ABCA7: variants seen among roughly 807,000 people sequenced by gnomAD.
The protein encoded by ABCA7 is ATP binding cassette subfamily A member 7, also known as phospholipid-transporting ATPase ABCA7.
A neutral mutation model predicts 227.6 loss-of-function variants in ABCA7; 261 were observed. The observed-to-expected ratio is 1.15, with a 90% CI of 1.04 to 1.27. ABCA7 has a LOEUF of 1.27. ABCA7 is among the 50% of genes most tolerant of loss of function. The pLI is 0.00. For synonymous variants in ABCA7, 1,488 were observed against 1,279.7 expected, an observed-to-expected ratio of 1.16 and a Z score of -3.47; for missense variants, 3,331 against 2,924.5, an observed-to-expected ratio of 1.14 and a Z score of -3.21.
rs759729807 is a variant in ABCA7 at position 1,059,103 on chromosome 19, G to T, written c.5463+18G>T. On this transcript the variant is annotated intron_variant, in intron 40 of 46. Coordinates refer to ENST00000263094, the MANE Select transcript of ABCA7 (RefSeq NM_019112.4). ...CTGGTGAGGTGAGTCCAGGGGTGGAGGCCAGGTGCAGGGACAGTGAGTGGC... is the reference window on the plus strand; with the variant it reads ...CTGGTGAGGTGAGTCCAGGGGTGGATGCCAGGTGCAGGGACAGTGAGTGGC... 2 of 1,609,876 alleles carry T rather than the reference G, an allele frequency of 1.2e-6. No individual in the cohort carries two copies. The highest frequency in any genetic ancestry group is 2.2e-5 in the East Asian group (1 of 44,818).
At chr19:1,051,707 C>G in intron 21 of ABCA7, 121 bp downstream of exon 21, 2 of 1,084,862 alleles carry the variant, frequency 1.8e-6, no homozygotes, top group Non-Finnish European at 2.6e-6. Flanking sequence ...GTTGCTATGG[C>G]ATTTAGGGGC....
chr19:1,055,105 C>T lies in ABCA7; in HGVS notation c.3959C>T (p.Ala1320Val), dbSNP rs527865899. 1.2e-6 allele frequency: 2 copies of T among 1,611,778 alleles called. No homozygotes were observed. Among genetic ancestry groups the T allele is most frequent in the East Asian group, 2.2e-5 (1 of 44,850 alleles). The change falls in exon 30 of 47, where the codon GCA (alanine) becomes GTA (valine). Residue 1320 changes from alanine (A) to valine (V), a missense_variant. By Grantham distance (64) the Ala-to-Val change is moderately conservative (BLOSUM62 0). Coordinates refer to ENST00000263094, the MANE Select transcript of ABCA7 (RefSeq NM_019112.4). ...CAGCCCATTGTCTGCAGGTTCTCGG[C>T]ACCAGAAGTTCCTGCTGAAGTGGCC... ...PVQHSSHRFS[A>V]PEVPAEVAKV... is the part of the protein sequence containing the mutation.
chr19:1,051,840 T>C, intron 21 of ABCA7, 102 bp from the exon 22 acceptor site: 1 of 1,450,732 alleles, frequency 6.9e-7, no homozygotes, highest in South Asian at 1.2e-5. Flanking sequence ...GAGGGATGAA[T>C]AGGAGTTTGC....
At chr19:1,055,499 CTTTTTTTTTT>C (rs397709972) in intron 30 of ABCA7, 148 bp downstream of exon 30, 9 of 428,176 alleles carry the variant, frequency 2.1e-5, no homozygotes, top group African/African-American at 1.6e-4. Context: ...TTCCTTTCCT[CTTTTTTTTTT>C]TTTTTTTTTT....
chr19:1,044,886 G>C (rs1357096543), intron 11 of ABCA7, 116 bp from the exon 12 acceptor site: 10 of 1,475,182 alleles, frequency 6.8e-6, no homozygotes, highest in Non-Finnish European at 8.2e-6. Context: ...GGAGGGAGCC[G>C]GCCGTGGGCC....
chr19:1,056,337 T>G lies in ABCA7; in HGVS notation c.4424T>G (p.Phe1475Cys). Residue 1475 changes from phenylalanine to cysteine, a missense_variant, in exon 33 of 47, where the codon TTC becomes TGC. Phe to Cys is a radical substitution (Grantham distance 205). Coordinates refer to ENST00000263094, the MANE Select transcript of ABCA7 (RefSeq NM_019112.4). This position sits in a 1 kb window ranked among gnomAD's most constrained non-coding sequence, Gnocchi z 4.3. ...ACCTTGACCCCCACCCAGATCTGGTTCAACAACAAAGGCTGGCACTCCATG... is the reference window on the plus strand; with the variant it reads ...ACCTTGACCCCCACCCAGATCTGGTGCAACAACAAAGGCTGGCACTCCATG... ...LDAQDSLKIW[F>C]NNKGWHSMVA... The G allele has an allele frequency of 6.2e-7, 1 of 1,613,114 alleles. No individual in the cohort carries two copies. The highest frequency in any genetic ancestry group is 8.5e-7 in the Non-Finnish European group (1 of 1,179,870).
chr19:1,042,903 G>T, intron 7 of ABCA7, 77 bp downstream of exon 7: 4 of 1,515,982 alleles, frequency 2.6e-6, no homozygotes, highest in Non-Finnish European at 3.5e-6. Context: ...GTCTGGGGCA[G>T]CCCGGGCACT....
At chr19:1,055,053 T>C in intron 29 of ABCA7, 44 bp from the exon 30 acceptor site, 4 of 1,570,574 alleles carry the variant, frequency 2.5e-6, no homozygotes, top group Non-Finnish European at 3.5e-6. Context: ...ACCTTCACCT[T>C]GACCCTGCAG....
chr19:1,046,539 A>G, intron 13 of ABCA7, 133 bp downstream of exon 13: 1 of 1,251,312 alleles, frequency 8.0e-7, no homozygotes, highest in Non-Finnish European at 1.1e-6. Context: ...ACTCCACGTG[A>G]CCTGCTGCAG....
In ABCA7 at chr19:1,041,556, T is replaced by C; in HGVS notation, c.113T>C (p.Ile38Thr). The C allele has an allele frequency of 6.2e-7, 1 of 1,613,340 alleles. No homozygotes were observed. Among genetic ancestry groups the C allele is most frequent in the Non-Finnish European group, 8.5e-7 (1 of 1,180,020 alleles). Residue 38 changes from isoleucine to threonine, a missense_variant, in exon 3 of 47, where the codon ATC becomes ACC. By Grantham distance (89) the Ile-to-Thr change is moderately conservative. Coordinates refer to ENST00000263094, the MANE Select transcript of ABCA7 (RefSeq NM_019112.4). The stretch of plus-strand genomic sequence containing the variant: ...CTGTGGCCTCTCTTCCTCTTCTTCA[T>C]CCTGGTGGCTGTTCGCCACTCCCAC... ...ELLWPLFLFF[I>T]LVAVRHSHPP...
intron 29 of ABCA7, 39 bp from the exon 30 acceptor site, chr19:1,055,058 C>A: frequency 6.3e-7 from 1 of 1,579,358 alleles, no homozygotes; most frequent in South Asian, 1.1e-5. Flanking sequence ...CACCTTGACC[C>A]TGCAGCGCCC....
At position 1,043,087 on chromosome 19, in the gene ABCA7, G is replaced by A; in HGVS notation, c.626G>A (p.Arg209Lys). Residue 209 changes from arginine (R) to lysine (K), a missense_variant, in exon 8 of 47, where the codon AGA (arginine) becomes AAA (lysine). Physicochemically the swap from Arg to Lys is conservative, Grantham distance 26. Coordinates refer to ENST00000263094, the MANE Select transcript of ABCA7 (RefSeq NM_019112.4). Reference sequence around the variant, plus strand: ...GTGGAGCTTCGGGCACTGCTGCAGAGACCCCGAGGGACCAGCGGCCCCCTG... The same window carrying A: ...GTGGAGCTTCGGGCACTGCTGCAGAAACCCCGAGGGACCAGCGGCCCCCTG... ...SLVELRALLQ[R>K]PRGTSGPLEL... 6.2e-7 allele frequency: 1 copy of A among 1,612,126 alleles called. No individual in the cohort carries two copies. The highest frequency in any genetic ancestry group is 8.5e-7 in the Non-Finnish European group (1 of 1,179,314).
intron 42 of ABCA7, among the ~76,000 whole-genome samples, chr19:1,063,246 A>C (rs1362947603): frequency 4.3e-5 from 2 of 46,638 alleles, no homozygotes; most frequent in Admixed American, 5.8e-4. Context: ...GTCTCCACCC[A>C]CACCATGGCC....
chr19:1,057,932 T>A lies in ABCA7; in HGVS notation c.4898T>A (p.Leu1633His). ...LLLYGWSITPLMYPASFFFSV... is the reference protein window; with the variant it reads ...LLLYGWSITPHMYPASFFFSV... Reference sequence around the variant, plus strand: ...CCCTTCAGCTGGTCGATCACACCGCTCATGTACCCAGCCTCCTTCTTCTTC... The same window carrying A: ...CCCTTCAGCTGGTCGATCACACCGCACATGTACCCAGCCTCCTTCTTCTTC... The change falls in exon 36 of 47, where the codon CTC becomes CAC. Residue 1633 changes from leucine (L) to histidine (H), a missense_variant. By Grantham distance (99) the Leu-to-His change is moderately conservative. Coordinates refer to ENST00000263094, the MANE Select transcript of ABCA7 (RefSeq NM_019112.4). 1 of 1,614,058 alleles carries A rather than the reference T, an allele frequency of 6.2e-7. No individual in the cohort carries two copies. The highest frequency in any genetic ancestry group is 8.5e-7 in the Non-Finnish European group (1 of 1,180,024).
chr19:1,042,946 G>T, intron 7 of ABCA7, 95 bp from the exon 8 acceptor site: 2 of 1,512,894 alleles, frequency 1.3e-6, no homozygotes, highest in East Asian at 2.3e-5. Flanking sequence ...GGATTAGACA[G>T]CGAGAGGGAG....
At position 1,043,457 on chromosome 19, in the gene ABCA7, G is replaced by C. The variant is rs2040260722; in HGVS notation, c.914G>C (p.Arg305Pro). ...LLFAPDTPFT[R>P]KLMAQVNRTF... ...TTTGCACCAGATACACCTTTTACCCGGAAGCTCATGGCCCAGGTGGGGGCA... is the reference window on the plus strand; with the variant it reads ...TTTGCACCAGATACACCTTTTACCCCGAAGCTCATGGCCCAGGTGGGGGCA... The change falls in exon 9 of 47, where the codon CGG becomes CCG. Residue 305 changes from arginine to proline, a missense_variant. Coordinates refer to ENST00000263094, the MANE Select transcript of ABCA7 (RefSeq NM_019112.4). 5 of 1,613,294 alleles carry C rather than the reference G, an allele frequency of 3.1e-6. No homozygotes were observed. The highest frequency in any genetic ancestry group is 4.2e-6 in the Non-Finnish European group (5 of 1,180,016).
Position 1,049,397 on chromosome 19 carries a change from G to A in ABCA7, c.2512G>A (p.Ala838Thr), listed in dbSNP as rs201347186. 40 of 1,609,552 alleles carry A rather than the reference G, an allele frequency of 2.5e-5. No homozygotes were observed. In the East Asian group the frequency reaches 3.1e-4, roughly 13 times the overall value. Residue 838 changes from alanine (A) to threonine (T), a missense_variant, in exon 18 of 47, where the codon GCC becomes ACC. Ala to Thr is a moderately conservative substitution (Grantham distance 58). Coordinates refer to ENST00000263094, the MANE Select transcript of ABCA7 (RefSeq NM_019112.4). Reference protein sequence around the residue: ...SLDFYQGHITAFLGHNGAGKT... With the variant: ...SLDFYQGHITTFLGHNGAGKT... ...GGACTTCTACCAGGGCCACATCACC[G>A]CCTTCCTGGGCCACAACGGGGCCGG...
At position 1,051,600 on chromosome 19, in the gene ABCA7, A is replaced by G; in HGVS notation, c.2962+14A>G. ...AATACCGAGAAGGTAAGAGCTGGGG[A>G]TTCTGCTCGAGGGGCCAGAAAAGGC... On this transcript the variant is annotated intron_variant, in intron 21 of 46. Transcript: ENST00000263094. 1 of 1,604,412 alleles carries G rather than the reference A, an allele frequency of 6.2e-7. No homozygotes were observed. The highest frequency in any genetic ancestry group is 8.5e-7 in the Non-Finnish European group (1 of 1,173,976).
chr19:1,061,711 A>G, intron 40 of ABCA7, 71 bp from the exon 41 acceptor site: 3 of 1,450,312 alleles, frequency 2.1e-6, no homozygotes, highest in South Asian at 1.3e-5. Context: ...AAAAAAAAAA[A>G]AAAAGAAATC....
Sources: gnomAD v4.1 joint callset for allele counts (sites outside exome capture counted in the v4.1 genomes callset) on GRCh38, gnomAD v4.1.1 for gene constraint, Gnocchi (gnomAD v3.1) non-coding constraint, MANE v1.5 for transcripts, NCBI Gene and HGNC (gene_info 2026-07-23, HGNC 2026-07-21) for gene names.